The following RIPOR2 variants were observed in gnomAD, a reference collection of about 807,000 sequenced individuals.
The protein encoded by RIPOR2 is RHO family interacting cell polarization regulator 2, also known as rho family-interacting cell polarization regulator 2.
RIPOR2 carries 39 observed loss-of-function variants against 114.5 expected under a neutral mutation model. The observed-to-expected ratio is 0.34, with a 90% confidence interval of 0.26 to 0.44. The LOEUF (loss-of-function observed/expected upper bound fraction) is 0.44, where lower values mean the gene tolerates loss of function less well. RIPOR2 is among the 20% of genes least tolerant of loss of function. The pLI is 1.00. For missense variants in RIPOR2, 1,007 were observed against 1,255.1 expected, an observed-to-expected ratio of 0.80 and a Z score of 2.99; for synonymous variants, 445 against 484.4, an observed-to-expected ratio of 0.92 and a Z score of 1.07.
At chr6:24,875,640 G>A in intron 2 of RIPOR2, 51 bp downstream of exon 2, 1 of 1,571,728 alleles carries the variant, frequency 6.4e-7, no homozygotes, top group Non-Finnish European at 8.6e-7. Context: ...CAACATCAAA[G>A]TTCACTTCCT....
chr6:24,809,581 A>G (rs1461219274), intron 21 of RIPOR2, 136 bp downstream of exon 21: 1 of 646,446 alleles, frequency 1.5e-6, no homozygotes, highest in African/African-American at 1.8e-5. Flanking sequence ...GTGTGAGAAG[A>G]CAGCCTACAG....
chr6:24,906,188 C>T (rs1288824314), intron 1 of RIPOR2, among the ~76,000 whole-genome samples: 1 of 152,072 alleles, frequency 6.6e-6, no homozygotes, highest in Non-Finnish European at 1.5e-5. Context: ...ACTTTCCTAC[C>T]TTCAGTCTAG....
At chr6:25,012,392 T>G (rs917556884) in intron 1 of RIPOR2, among the ~76,000 whole-genome samples, 1 of 152,034 alleles carries the variant, frequency 6.6e-6, no homozygotes, top group African/African-American at 2.4e-5. Flanking sequence ...CCAAGAAAAA[T>G]GAAAACATAT....
intron 1 of RIPOR2, among the ~76,000 whole-genome samples, chr6:25,003,693 A>G (rs979109357): frequency 6.6e-6 from 1 of 152,110 alleles, no homozygotes; most frequent in Non-Finnish European, 1.5e-5. Flanking sequence ...GGCCTCCCAA[A>G]GTGCTGGCAT....
chr6:24,972,780 T>C (rs1773843459), intron 1 of RIPOR2, among the ~76,000 whole-genome samples: 1 of 152,216 alleles, frequency 6.6e-6, no homozygotes, highest in Admixed American at 6.5e-5. Context: ...GCATATGTTA[T>C]GGAAGGAACT....
intron 13 of RIPOR2, chr6:24,840,709 C>T: frequency 6.5e-7 from 1 of 1,535,390 alleles, no homozygotes; most frequent in Middle Eastern, 1.7e-4. Context: ...TTGTCTCATT[C>T]ACCCTCAGTG....
rs10564019 is a variant in RIPOR2, at chr6:25,022,532, ATTTTTTTTTTTT to A, written c.76+19307_76+19318del. ...ACATATAACTAATGTGGTACCTTCC[ATTTTTTTTTTTT>A]TTTTTTTTTTTTTTTTTTTTTTTTA... On this transcript the variant is annotated intron_variant, in intron 1 of 13. Transcript: ENST00000510784. Among the ~76,000 whole-genome samples the A allele has an allele frequency of 1.0e-3, 43 of 40,988 alleles. 2 individuals carry two copies. Among genetic ancestry groups the A allele is most frequent in the African/African-American group, 1.7e-3 (22 of 12,764 alleles). The allele number at this position is 40,988 out of a possible 152,430, so 26.9% of individuals were successfully genotyped here.
intron 1 of RIPOR2, among the ~76,000 whole-genome samples, chr6:24,946,596 A>G (rs921398709): frequency 2.0e-5 from 3 of 152,138 alleles, no homozygotes; most frequent in Non-Finnish European, 4.4e-5. Context: ...ATAAAATAAG[A>G]TGGTTAAAGA....
upstream of RIPOR2, among the ~76,000 whole-genome samples, chr6:24,940,651 A>T (rs1055843588): frequency 2.7e-5 from 4 of 148,098 alleles, no homozygotes; most frequent in African/African-American, 9.9e-5. Flanking sequence ...AAGGAATACG[A>T]TTTTTTTTTT....
At chr6:24,852,103 T>C (rs6927293) in intron 9 of RIPOR2, among the ~76,000 whole-genome samples, 129,417 of 151,708 alleles carry the variant, frequency 0.85, 55,481 homozygotes, top group Non-Finnish European at 0.89. Flanking sequence ...CTACTAAAAA[T>C]ACAAAAAAAT....
intron 7 of RIPOR2, among the ~76,000 whole-genome samples, chr6:24,863,857 T>C (rs1427296006): frequency 6.6e-6 from 1 of 152,246 alleles, no homozygotes; most frequent in African/African-American, 2.4e-5. Flanking sequence ...ATCTTATAAT[T>C]TGATGTGTTA....
At position 24,883,345 on chromosome 6, in the gene RIPOR2, G is replaced by A. The variant is rs528807036; in HGVS notation, c.62-7528C>T. Among the ~76,000 whole-genome samples the A allele has an allele frequency of 2.0e-5, 3 of 152,332 alleles. No individual in the cohort carries two copies. The highest frequency in any genetic ancestry group is 2.9e-5 in the Non-Finnish European group (2 of 68,034). On this transcript the variant is annotated intron_variant, in intron 1 of 21. Coordinates refer to ENST00000643898, the MANE Select transcript of RIPOR2 (RefSeq NM_001286445.3). This position sits in a 1 kb window ranked among gnomAD's most constrained non-coding sequence, Gnocchi z 4.1. ...ATGCCATCTCCATAAGCTAGACTGA[G>A]ACCAACCCCTCTGAGACAAGACAAT...
At chr6:24,966,496 G>T (rs768015746) in intron 1 of RIPOR2, among the ~76,000 whole-genome samples, 18 of 152,176 alleles carry the variant, frequency 1.2e-4, no homozygotes, top group Non-Finnish European at 2.4e-4. Context: ...GCCACGTGTT[G>T]GGTCCCTGCC....
intron 1 of RIPOR2, among the ~76,000 whole-genome samples, chr6:24,958,767 C>A (rs621558): frequency 0.97 from 147,529 of 152,112 alleles, 71,557 homozygotes; most frequent in East Asian, 1. Context: ...GTGGCTGAAA[C>A]CAATAGAAAT....
chr6:24,873,640 T>C lies in RIPOR2; in HGVS notation c.344+4A>G. 5 of 1,611,880 alleles carry C rather than the reference T, an allele frequency of 3.1e-6. No homozygotes were observed. Among genetic ancestry groups the C allele is most frequent in the Non-Finnish European group, 4.2e-6 (5 of 1,179,254 alleles). On this transcript the variant is annotated splice_donor_region_variant and intron_variant, in intron 3 of 21. Transcript: ENST00000643898. ...AAAGTACATTATCAGGTTCAAGTTC[T>C]TACTCAAGTCCATTTTTCAAGGCCC...
At chr6:24,877,307 C>T (rs1765895049) in intron 1 of RIPOR2, 1 of 985,386 alleles carries the variant, frequency 1.0e-6, no homozygotes, top group South Asian at 4.7e-5. Flanking sequence ...AAATCCCCTC[C>T]CTCCCTCTCC....
intron 1 of RIPOR2, among the ~76,000 whole-genome samples, chr6:25,003,216 C>T (rs758949407): frequency 3.3e-5 from 5 of 152,024 alleles, no homozygotes; most frequent in Non-Finnish European, 5.9e-5. Context: ...GCATGCATTT[C>T]TAAAACACAA....
At chr6:24,969,630 T>C (rs1483254985) in intron 1 of RIPOR2, among the ~76,000 whole-genome samples, 1 of 152,190 alleles carries the variant, frequency 6.6e-6, no homozygotes, top group Non-Finnish European at 1.5e-5. Flanking sequence ...CGATGAGCCC[T>C]AGTGACCAGT....
At chr6:24,973,642 T>A (rs1353545532) in intron 1 of RIPOR2, among the ~76,000 whole-genome samples, 1 of 150,146 alleles carries the variant, frequency 6.7e-6, no homozygotes, top group Non-Finnish European at 1.5e-5. Flanking sequence ...ACATATGCAC[T>A]CACATGTTCA....
Sources: allele counts gnomAD v4.1 joint callset (sites outside exome capture counted in the v4.1 genomes callset), GRCh38; gene constraint gnomAD v4.1.1; non-coding constraint Gnocchi (gnomAD v3.1); transcripts MANE v1.5; gene names NCBI Gene and HGNC (gene_info 2026-07-23, HGNC 2026-07-21).